MYBL1: variants seen among roughly 807,000 people sequenced by gnomAD.
MYBL1 encodes myb-related protein A.
MYBL1 carries 17 observed loss-of-function variants against 96.3 expected under a neutral mutation model. The observed-to-expected ratio is 0.18, with a 90% CI of 0.12 to 0.26. The LOEUF (loss-of-function observed/expected upper bound fraction) is 0.26. Ranked by LOEUF, MYBL1 falls within the 10% of genes least tolerant of loss-of-function variation. MYBL1 has a pLI of 1.00. For synonymous variants in MYBL1, 282 were observed against 292.7 expected (o/e 0.96, Z 0.37); for missense variants, 701 against 882.9 (o/e 0.79, Z 2.61).
chr8:66,603,343 G>A (rs1003463378), intron 1 of MYBL1, among the ~76,000 whole-genome samples: 7 of 151,924 alleles, frequency 4.6e-5, no homozygotes, highest in African/African-American at 1.2e-4. Context: ...AATATAAACC[G>A]CAGCCAATTA....
At chr8:66,581,053 G>C (rs933850551) in intron 8 of MYBL1, among the ~76,000 whole-genome samples, 1 of 151,792 alleles carries the variant, frequency 6.6e-6, no homozygotes, top group Non-Finnish European at 1.5e-5. Flanking sequence ...GTAGAGACAG[G>C]GTTTCACCAT....
intron 15 of MYBL1, among the ~76,000 whole-genome samples, chr8:66,565,808 A>G (rs1316344918): frequency 6.6e-6 from 1 of 152,126 alleles, no homozygotes; most frequent in Non-Finnish European, 1.5e-5. Context: ...ATATATCTTT[A>G]GTTTAAAAAA....
At chr8:66,566,041 T>C (rs1284680051) in intron 15 of MYBL1, 23 bp downstream of exon 15, 8 of 1,443,998 alleles carry the variant, frequency 5.5e-6, no homozygotes, top group Non-Finnish European at 6.5e-6. Flanking sequence ...CAAAAATCAC[T>C]AAAGAAATTT....
chr8:66,584,317 A>G (rs1050379788), intron 8 of MYBL1, among the ~76,000 whole-genome samples: 1 of 152,232 alleles, frequency 6.6e-6, no homozygotes, highest in African/African-American at 2.4e-5. Flanking sequence ...CAAATGAGAC[A>G]AGGATGTCCA....
chr8:66,568,885 G>C (rs1446980198), intron 12 of MYBL1, among the ~76,000 whole-genome samples: 2 of 151,826 alleles, frequency 1.3e-5, no homozygotes, highest in Non-Finnish European at 2.9e-5. Flanking sequence ...ATTAGCCAGG[G>C]TGGTGGTGGG....
chr8:66,577,657 G>C (rs1331218052), intron 9 of MYBL1, among the ~76,000 whole-genome samples: 1 of 151,978 alleles, frequency 6.6e-6, no homozygotes, highest in Non-Finnish European at 1.5e-5. Flanking sequence ...TACTGCCCAA[G>C]GTAATTTATA....
intron 1 of MYBL1, among the ~76,000 whole-genome samples, chr8:66,610,326 T>C (rs1010376344): frequency 6.6e-6 from 1 of 151,962 alleles, no homozygotes; most frequent in Non-Finnish European, 1.5e-5. Flanking sequence ...ACTACGGCTA[T>C]CTTAAAGATC....
chr8:66,599,382 T>A (rs1809977214), intron 3 of MYBL1, among the ~76,000 whole-genome samples: 2 of 152,212 alleles, frequency 1.3e-5, no homozygotes, highest in Admixed American at 1.3e-4. Flanking sequence ...AAAGTGTGTA[T>A]CTTTACACTA....
chr8:66,568,718 G>T (rs906040459), intron 12 of MYBL1, among the ~76,000 whole-genome samples: 1 of 152,052 alleles, frequency 6.6e-6, no homozygotes, highest in Non-Finnish European at 1.5e-5. Context: ...AACATGGGGG[G>T]TTGTTGTATA....
At chr8:66,569,450 A>G (rs1462928726) in intron 12 of MYBL1, among the ~76,000 whole-genome samples, 3 of 151,790 alleles carry the variant, frequency 2.0e-5, no homozygotes, top group Non-Finnish European at 4.4e-5. Context: ...CCCAGGGTCA[A>G]GCGATCCTCC....
At chr8:66,577,845 T>C (rs1276970943) in intron 9 of MYBL1, among the ~76,000 whole-genome samples, 2 of 152,158 alleles carry the variant, frequency 1.3e-5, no homozygotes, top group Non-Finnish European at 2.9e-5. Flanking sequence ...AAGGCTACAG[T>C]AACCAAAACA....
chr8:66,602,294 G>C (rs151160636), intron 2 of MYBL1, 124 bp downstream of exon 2: 1 of 469,032 alleles, frequency 2.1e-6, no homozygotes, highest in East Asian at 4.0e-5. Context: ...CAAGTGATCC[G>C]CCCATCTCGG....
At chr8:66,569,806 C>T (rs960017838) in intron 12 of MYBL1, among the ~76,000 whole-genome samples, 8 of 152,206 alleles carry the variant, frequency 5.3e-5, no homozygotes, top group Admixed American at 5.2e-4. Context: ...AAGCAAAGAA[C>T]TCCTGCATTT....
chr8:66,596,143 G>A (rs1334099447), intron 5 of MYBL1, among the ~76,000 whole-genome samples: 1 of 152,064 alleles, frequency 6.6e-6, no homozygotes, highest in Non-Finnish European at 1.5e-5. Flanking sequence ...GGGTAACGGA[G>A]TAATTTTGGT....
intron 1 of MYBL1, among the ~76,000 whole-genome samples, chr8:66,604,464 A>ACCACTG (rs1446409474): frequency 9.9e-5 from 15 of 151,942 alleles, no homozygotes; most frequent in Non-Finnish European, 1.5e-5. Context: ...CCAAGACTGC[A>ACCACTG]CCACTGCACT....
chr8:66,600,721 T>C (rs1428437935), intron 3 of MYBL1, among the ~76,000 whole-genome samples: 1 of 152,198 alleles, frequency 6.6e-6, no homozygotes, highest in East Asian at 1.9e-4. Context: ...GCTCTTTCCA[T>C]TACTTGATCT....
intron 8 of MYBL1, among the ~76,000 whole-genome samples, chr8:66,582,807 A>G (rs559042134): frequency 2.7e-4 from 41 of 152,150 alleles, no homozygotes; most frequent in Non-Finnish European, 5.4e-4. Flanking sequence ...ATATAATTGT[A>G]AATATATATG....
Position 66,572,540 on chromosome 8 carries a change from G to A in MYBL1, c.1670C>T (p.Thr557Ile). Residue 557 changes from threonine to isoleucine, a missense_variant, in exon 12 of 16, where the codon ACT (threonine) becomes ATT (isoleucine). Transcript: ENST00000522677. ...SILGTTPRTP[T>I]PFKNALAAQE... ...AGCAGCAAGCGCATTCTTAAAAGGA[G>A]TAGGAGTTCTTGGTGTGGTACCCAG... The A allele has an allele frequency of 6.2e-7, 1 of 1,605,348 alleles. No individual in the cohort carries two copies. The highest frequency in any genetic ancestry group is 8.5e-7 in the Non-Finnish European group (1 of 1,174,348).
chr8:66,594,715 A>T (rs926516314), intron 6 of MYBL1, among the ~76,000 whole-genome samples: 11 of 152,170 alleles, frequency 7.2e-5, no homozygotes, highest in African/African-American at 2.7e-4. Flanking sequence ...CTGTCTTCAC[A>T]TGTTTTCCTA....
Sources: allele counts gnomAD v4.1 joint callset (sites outside exome capture counted in the v4.1 genomes callset), GRCh38; gene constraint gnomAD v4.1.1; transcripts MANE v1.5; gene names NCBI Gene and HGNC (gene_info 2026-07-23, HGNC 2026-07-21).